The following CFAP20DC variants were observed in gnomAD, a reference collection of about 807,000 sequenced individuals.
The protein encoded by CFAP20DC is protein CFAP20DC.
Under a neutral mutation model 101.7 loss-of-function variants are expected in CFAP20DC, and 84 were observed. The ratio of observed to expected loss-of-function variants is 0.83; its 90% CI spans 0.69 to 0.99. The LOEUF (loss-of-function observed/expected upper bound fraction) is 0.99, where lower values mean the gene tolerates loss of function less well. CFAP20DC is among the 50% of genes least tolerant of loss of function. The probability of loss-of-function intolerance (pLI) is 0.00; values close to 1 mark genes in which losing one functional copy is unlikely to be tolerated. For missense variants in CFAP20DC, 1,007 were observed against 970.3 expected (o/e 1.04, Z -0.50); for synonymous variants, 359 against 351.2 (o/e 1.02, Z -0.25).
intron 4 of CFAP20DC, among the ~76,000 whole-genome samples, chr3:58,998,526 C>T (rs758432721): frequency 1.3e-5 from 2 of 152,172 alleles, no homozygotes; most frequent in Non-Finnish European, 2.9e-5. Context: ...AGCTCTCATG[C>T]CTATTAACTA....
chr3:58,726,797 A>G (rs2107064316), intron 3 of CFAP20DC: 1 of 245,212 alleles, frequency 4.1e-6, no homozygotes, highest in Non-Finnish European at 8.2e-6. Flanking sequence ...AGAGACAAGA[A>G]TGACCCATCA....
intron 15 of CFAP20DC, among the ~76,000 whole-genome samples, chr3:58,762,182 G>C (rs557004904): frequency 4.1e-4 from 62 of 152,222 alleles, no homozygotes; most frequent in African/African-American, 1.4e-3. Flanking sequence ...AAGTCTCTTT[G>C]TAGGTCTCTA....
At chr3:58,973,494 T>A (rs762713311) in intron 4 of CFAP20DC, among the ~76,000 whole-genome samples, 2 of 152,146 alleles carry the variant, frequency 1.3e-5, no homozygotes, top group Non-Finnish European at 2.9e-5. Context: ...GTCAATACCC[T>A]CAAGAGCATC....
chr3:58,937,771 A>G lies in CFAP20DC; in HGVS notation c.279-9T>C. 7.0e-7 allele frequency: 1 copy of G among 1,424,506 alleles called. No individual in the cohort carries two copies. Among genetic ancestry groups the G allele is most frequent in the Non-Finnish European group, 9.9e-7 (1 of 1,009,270 alleles). The allele number at this position is 1,424,506 out of a possible 1,614,324, so 88.2% of individuals were successfully genotyped here. ...TCCCTAAATCAGTAATTCTGAAAAC[A>G]TGGAGGAGAGAAGACAGAAAGATTC... On this transcript the variant is annotated splice_polypyrimidine_tract_variant and intron_variant, in intron 4 of 16. Transcript: ENST00000482387.
intron 16 of CFAP20DC, among the ~76,000 whole-genome samples, chr3:58,746,586 C>A (rs1339921937): frequency 1.1e-4 from 17 of 152,156 alleles, no homozygotes; most frequent in Non-Finnish European, 1.5e-5. Flanking sequence ...GGTTTTGCTA[C>A]ATAATGCATA....
At chr3:58,820,102 C>G (rs1376549981) in intron 14 of CFAP20DC, among the ~76,000 whole-genome samples, 2 of 151,848 alleles carry the variant, frequency 1.3e-5, no homozygotes, top group African/African-American at 4.8e-5. Context: ...ACCCTTCATG[C>G]TAAGAACTCT....
At chr3:58,807,488 A>G (rs770437930) in intron 14 of CFAP20DC, among the ~76,000 whole-genome samples, 68 of 152,360 alleles carry the variant, frequency 4.5e-4, no homozygotes, top group Non-Finnish European at 7.3e-4. Flanking sequence ...AAACTCCAAC[A>G]GACCTGCAGC....
At chr3:58,828,526 C>A (rs1038521108) in intron 14 of CFAP20DC, among the ~76,000 whole-genome samples, 7 of 152,102 alleles carry the variant, frequency 4.6e-5, no homozygotes, top group African/African-American at 1.4e-4. Flanking sequence ...AGGCCATTAT[C>A]CTAAGCAAAT....
rs2069150464 is a variant in CFAP20DC at position 58,758,272 on chromosome 3, T to C, written c.2238-4409A>G. Among the ~76,000 whole-genome samples the C allele has an allele frequency of 2.0e-5, 3 of 152,172 alleles. 1 individual carries two copies. The South Asian group carries it at 6.2e-4, about 31-fold the overall frequency. On this transcript the variant is annotated intron_variant, in intron 15 of 16. Transcript: ENST00000482387. ...ATATGTGATATTTAATGCTGGCCCA[T>C]TGTCTTGATCCTTGATCAACTCCTT... is the stretch of plus-strand genomic sequence containing the variant.
At chr3:59,022,634 T>C (rs1201496342) in intron 4 of CFAP20DC, among the ~76,000 whole-genome samples, 1 of 152,098 alleles carries the variant, frequency 6.6e-6, no homozygotes, top group Admixed American at 6.6e-5. Flanking sequence ...TCCTACTTAC[T>C]GCTAATAAAT....
chr3:58,722,271 C>T lies in CFAP20DC; in HGVS notation c.198-4643G>A, dbSNP rs2067483701. Among the ~76,000 whole-genome samples the T allele has an allele frequency of 6.6e-6, 1 of 152,166 alleles. No individual in the cohort carries two copies. The highest frequency in any genetic ancestry group is 1.5e-5 in the Non-Finnish European group (1 of 68,028). On this transcript the variant is annotated intron_variant, in intron 3 of 3. Transcript: ENST00000486145. The surrounding 1 kb of genome is among the most constrained non-coding windows in gnomAD (Gnocchi z 4.5). ...GTCACCCCCACCCCTTTGAGCCTTT[C>T]CAGCTGAGGTCCCAGATATCATGAA...
intron 12 of CFAP20DC, among the ~76,000 whole-genome samples, chr3:58,853,521 G>C (rs2078454925): frequency 6.6e-6 from 1 of 152,054 alleles, no homozygotes; most frequent in African/African-American, 2.4e-5. Flanking sequence ...GCTGGGCAGA[G>C]ACACAACCAA....
intron 4 of CFAP20DC, among the ~76,000 whole-genome samples, chr3:58,985,293 G>C (rs2092713097): frequency 6.6e-6 from 1 of 151,968 alleles, no homozygotes; most frequent in Admixed American, 6.6e-5. Context: ...AAATTTCTCT[G>C]AGAGTCCCCA....
chr3:58,856,940 A>C (rs1476856185), intron 12 of CFAP20DC, among the ~76,000 whole-genome samples: 1 of 152,186 alleles, frequency 6.6e-6, no homozygotes, highest in Non-Finnish European at 1.5e-5. Flanking sequence ...CTACTCATTC[A>C]TTTCCATCAT....
intron 4 of CFAP20DC, among the ~76,000 whole-genome samples, chr3:58,996,682 C>T (rs1334956180): frequency 3.9e-5 from 6 of 152,174 alleles, no homozygotes; most frequent in African/African-American, 7.2e-5. Flanking sequence ...AGAGCTGGAA[C>T]GTAAATTAAA....
chr3:58,956,756 C>T (rs909337356), intron 4 of CFAP20DC, among the ~76,000 whole-genome samples: 2 of 152,192 alleles, frequency 1.3e-5, no homozygotes, highest in Non-Finnish European at 2.9e-5. Context: ...CACAGTTCAG[C>T]TTGGGTTGGG....
chr3:58,783,646 T>C (rs1268614655), intron 15 of CFAP20DC, among the ~76,000 whole-genome samples: 1 of 151,958 alleles, frequency 6.6e-6, no homozygotes, highest in Non-Finnish European at 1.5e-5. Flanking sequence ...CACGAATACA[T>C]ATTTTTCAAA....
chr3:58,732,368 G>C lies in CFAP20DC; in HGVS notation c.198-14740C>G, dbSNP rs796283562. ...TTGCATAGAAACCTAAGTAGTACTT[G>C]TTATGATAAAGTTGTAGATATTGTT... is the stretch of plus-strand genomic sequence containing the variant. On this transcript the variant is annotated intron_variant, in intron 3 of 3. Transcript: ENST00000486145. This position sits in a 1 kb window ranked among gnomAD's most constrained non-coding sequence, Gnocchi z 5.4. Among the ~76,000 whole-genome samples, 5 of 152,292 alleles carry C rather than the reference G, an allele frequency of 3.3e-5. No homozygotes were observed. Among genetic ancestry groups the C allele is most frequent in the African/African-American group, 9.6e-5 (4 of 41,560 alleles).
Position 59,006,386 on chromosome 3 carries a change from C to T in CFAP20DC, c.278+33171G>A, listed in dbSNP as rs1360918356. Among the ~76,000 whole-genome samples the T allele has an allele frequency of 6.6e-6, 1 of 152,170 alleles. No individual in the cohort carries two copies. The highest frequency in any genetic ancestry group is 2.4e-5 in the African/African-American group (1 of 41,436). ...CACCATGAACTTTCTTTCCAAGTAC[C>T]ACTGCAGGAATCTACCAGGAAAACT... On this transcript the variant is annotated intron_variant, in intron 4 of 16. Coordinates refer to ENST00000482387, the MANE Select transcript of CFAP20DC (RefSeq NM_001394063.1). The surrounding 1 kb of genome is among the most constrained non-coding windows in gnomAD (Gnocchi z 4.3).
Sources: allele counts gnomAD v4.1 joint callset (sites outside exome capture counted in the v4.1 genomes callset), GRCh38; gene constraint gnomAD v4.1.1; non-coding constraint Gnocchi (gnomAD v3.1); transcripts MANE v1.5; gene names NCBI Gene and HGNC (gene_info 2026-07-23, HGNC 2026-07-21).